The following TRMU variants were observed in gnomAD, a reference collection of about 807,000 sequenced individuals.
TRMU encodes mitochondrial tRNA-specific 2-thiouridylase 1.
Under a neutral mutation model 46.9 loss-of-function variants are expected in TRMU, and 49 were observed. The ratio of observed to expected loss-of-function variants is 1.05; its 90% confidence interval spans 0.83 to 1.33. The LOEUF is 1.33. Ranked by LOEUF, TRMU falls within the 40% of genes most tolerant of loss-of-function variation. The pLI, the probability that TRMU is intolerant of heterozygous loss-of-function variation, is 0.00. For synonymous variants in TRMU, 241 were observed against 200.9 expected (o/e 1.20, Z -1.69); for missense variants, 572 against 532.4 (o/e 1.07, Z -0.73).
rs896186335 is a variant in TRMU at position 46,337,895 on chromosome 22, C to T, written c.199C>T (p.Pro67Ser). ...AYRVCQILDI[P>S]FHQVSYVKEY... ...CAGAGTTTGCCAGATCTTAGACATC[C>T]CTTTCCATCAAGTGTCCTACGTAAA... The change falls in exon 2 of 11, where the codon CCT becomes TCT. Residue 67 changes from proline (P) to serine (S), a missense_variant. By Grantham distance (74) the Pro-to-Ser change is moderately conservative. Transcript: ENST00000645190. The T allele has an allele frequency of 1.9e-6, 3 of 1,614,098 alleles. No homozygotes were observed. In the African/African-American group the frequency reaches 4.0e-5, roughly 22 times the overall value.
intron 3 of TRMU, among the ~76,000 whole-genome samples, chr22:46,345,206 G>A (rs1208682162): frequency 6.6e-6 from 1 of 152,116 alleles, no homozygotes; most frequent in Non-Finnish European, 1.5e-5. Flanking sequence ...AAGTAGCTGG[G>A]ATTACAGGTG....
rs1402558646 is a variant in TRMU, at chr22:46,350,738, G to T, written c.651+275G>T. 6.6e-6 allele frequency among the ~76,000 whole-genome samples: 1 copy of T among 152,184 alleles called. No individual in the cohort carries two copies. ...TCCCCACAGCCTTAGCAGCTGGTGG[G>T]GTGCTCTTGGGATGGCCTGCCTGCC... On this transcript the variant is annotated intron_variant, in intron 5 of 10. Coordinates refer to ENST00000645190, the MANE Select transcript of TRMU (RefSeq NM_018006.5). This position sits in a 1 kb window ranked among gnomAD's most constrained non-coding sequence, Gnocchi z 4.6.
intron 1 of TRMU, among the ~76,000 whole-genome samples, chr22:46,337,237 G>C (rs2078002541): frequency 6.6e-6 from 1 of 152,188 alleles, no homozygotes; most frequent in African/African-American, 2.4e-5. Flanking sequence ...TGTGTAGTTT[G>C]CTAAGGTGGT....
chr22:46,354,837 G>C (rs1236059661), intron 8 of TRMU: 1 of 157,120 alleles, frequency 6.4e-6, no homozygotes, highest in Non-Finnish European at 1.4e-5. Flanking sequence ...GCGGGGCTTG[G>C]CACAATCCCA....
intron 5 of TRMU, 25 bp from the exon 6 acceptor site, chr22:46,352,096 C>CA: frequency 1.2e-6 from 2 of 1,612,174 alleles, no homozygotes; most frequent in Non-Finnish European, 1.7e-6. Context: ...CTGCTCCTCT[C>CA]ACGGCTGCCG....
chr22:46,352,565 GC>G, intron 7 of TRMU: 2 of 604,260 alleles, frequency 3.3e-6, no homozygotes, highest in South Asian at 3.8e-5. Context: ...TGAAAAGCGC[GC>G]CTCTGACTTG....
chr22:46,355,362 A>G (rs1358333728), intron 8 of TRMU, 82 bp from the exon 9 acceptor site: 2 of 1,563,486 alleles, frequency 1.3e-6, no homozygotes, highest in East Asian at 2.4e-5. Context: ...CTGGTAGGAC[A>G]GTTGTTCCCA....
At chr22:46,345,023 C>A (rs761691485) in intron 3 of TRMU, among the ~76,000 whole-genome samples, 2 of 152,112 alleles carry the variant, frequency 1.3e-5, no homozygotes, top group Non-Finnish European at 2.9e-5. Flanking sequence ...AGGATGGAAT[C>A]CATTTTGCTG....
chr22:46,335,899 C>T, intron 1 of TRMU, 53 bp downstream of exon 1: 5 of 1,528,198 alleles, frequency 3.3e-6, no homozygotes, highest in Non-Finnish European at 4.4e-6. Context: ...CCCCGGAAAC[C>T]TGTCCCCGTC....
Position 46,348,505 on chromosome 22 carries a change from G to A in TRMU, c.479-1786G>A, listed in dbSNP as rs1467641312. The stretch of plus-strand genomic sequence containing the variant: ...CAGTGGACGGCCTGGGCTCAGGGTC[G>A]GTCAGCACCTGAGACCAGCGCTCCT... On this transcript the variant is annotated intron_variant, in intron 4 of 10. Transcript: ENST00000645190. This position sits in a 1 kb window ranked among gnomAD's most constrained non-coding sequence, Gnocchi z 4.8. Among the ~76,000 whole-genome samples the A allele has an allele frequency of 4.6e-5, 7 of 152,158 alleles. No individual in the cohort carries two copies. The highest frequency in any genetic ancestry group is 5.9e-5 in the Non-Finnish European group (4 of 68,018).
At chr22:46,355,808 G>A in intron 9 of TRMU, 182 bp from the exon 10 acceptor site, 1 of 1,011,246 alleles carries the variant, frequency 9.9e-7, no homozygotes, top group Non-Finnish European at 1.5e-6. Flanking sequence ...GTGTTGGGCT[G>A]AAGCAAGTGT....
At chr22:46,353,082 C>G (rs184413791) in intron 7 of TRMU, 2 of 160,948 alleles carry the variant, frequency 1.2e-5, no homozygotes, top group Non-Finnish European at 2.8e-5. Context: ...CAGGCGGAGC[C>G]GGGGCTAGGC....
At position 46,342,592 on chromosome 22, in the gene TRMU, G is replaced by C. The variant is rs2078149286; in HGVS notation, c.249-670G>C. On this transcript the variant is annotated intron_variant, in intron 2 of 10. Transcript: ENST00000645190. This position sits in a 1 kb window ranked among gnomAD's most constrained non-coding sequence, Gnocchi z 4.7. ...AGCACTTTAGGAGGCTGAGGCAGGA[G>C]ACTTGCTTGAGGCCTGGAGTTCAGT... Among the ~76,000 whole-genome samples the C allele has an allele frequency of 6.6e-6, 1 of 152,228 alleles. No individual in the cohort carries two copies. Among genetic ancestry groups the C allele is most frequent in the African/African-American group, 2.4e-5 (1 of 41,452 alleles).
In TRMU at chr22:46,336,305, G is replaced by A; in HGVS notation, c.82+459G>A. ...CCACTCAGCAGACTGGACAACTGCC[G>A]CGCGGCGGGTCTGCTTGTTCAGCGT... is the stretch of plus-strand genomic sequence containing the variant. On this transcript the variant is annotated intron_variant, in intron 1 of 10. Transcript: ENST00000645190. This position sits in a 1 kb window ranked among gnomAD's most constrained non-coding sequence, Gnocchi z 4.1. 3 of 233,554 alleles carry A rather than the reference G, an allele frequency of 1.3e-5. No homozygotes were observed. The highest frequency in any genetic ancestry group is 2.1e-5 in the Non-Finnish European group (3 of 139,952). 14.5% of individuals were successfully genotyped at this position (233,554 alleles called of 1,614,324 possible). A position where few individuals can be genotyped will look rare whatever the true frequency, so the allele number is the denominator to read the frequency against.
At position 46,348,358 on chromosome 22, in the gene TRMU, A is replaced by G. The variant is rs1052947957; in HGVS notation, c.478+1814A>G. 6.6e-6 allele frequency among the ~76,000 whole-genome samples: 1 copy of G among 152,226 alleles called. No homozygotes were observed. Among genetic ancestry groups the G allele is most frequent in the Non-Finnish European group, 1.5e-5 (1 of 68,028 alleles). On this transcript the variant is annotated intron_variant, in intron 4 of 10. Transcript: ENST00000645190. This position sits in a 1 kb window ranked among gnomAD's most constrained non-coding sequence, Gnocchi z 4.8. ...TGTTGAGTGCGTTTGGCATGTGGGA[A>G]TTGTGATGGTGCACAGTGTCTTGGC...
rs185988821 is a variant in TRMU at position 46,356,052 on chromosome 22, C to G, written c.1081C>G (p.Arg361Gly). The change falls in exon 10 of 11, where the codon CGT becomes GGT. Residue 361 changes from arginine to glycine, a missense_variant. Physicochemically the swap from Arg to Gly is moderately radical, Grantham distance 125. Coordinates refer to ENST00000645190, the MANE Select transcript of TRMU (RefSeq NM_018006.5). The part of the protein sequence containing the change: ...TVWVTAVQAV[R>G]ALATGQFAVF... ...GTGGGTGACAGCTGTGCAGGCTGTGCGTGCCCTTGCCACAGGACAGGTGCG... is the reference window on the plus strand; with the variant it reads ...GTGGGTGACAGCTGTGCAGGCTGTGGGTGCCCTTGCCACAGGACAGGTGCG... 2 of 1,613,970 alleles carry G rather than the reference C, an allele frequency of 1.2e-6. No homozygotes were observed.
At position 46,351,322 on chromosome 22, in the gene TRMU, C is replaced by CA. The variant is rs1309068570; in HGVS notation, c.652-794dup. 6.6e-6 allele frequency among the ~76,000 whole-genome samples: 1 copy of CA among 152,156 alleles called. No individual in the cohort carries two copies. The highest frequency in any genetic ancestry group is 1.5e-5 in the Non-Finnish European group (1 of 68,022). ...CTGGGCAACACAGCGAAACTCGTCT[C>CA]AAAAAGAGAGAACCCGGAGTGTTGG... On this transcript the variant is annotated intron_variant, in intron 5 of 10. Coordinates refer to ENST00000645190, the MANE Select transcript of TRMU (RefSeq NM_018006.5). The surrounding 1 kb of genome is among the most constrained non-coding windows in gnomAD (Gnocchi z 6.4).
chr22:46,343,587 G>T (rs1282179009), intron 3 of TRMU, among the ~76,000 whole-genome samples: 1 of 152,024 alleles, frequency 6.6e-6, no homozygotes, highest in East Asian at 1.9e-4. Context: ...TATTGTCCAG[G>T]CTGGTCTCAG....
At chr22:46,355,836 G>C in intron 9 of TRMU, 154 bp from the exon 10 acceptor site, 1 of 1,021,910 alleles carries the variant, frequency 9.8e-7, no homozygotes, top group Non-Finnish European at 1.5e-6. Context: ...GCCCCGCAGT[G>C]TCCTGCTGCG....
Sources: allele counts gnomAD v4.1 joint callset (sites outside exome capture counted in the v4.1 genomes callset), GRCh38; gene constraint gnomAD v4.1.1; non-coding constraint Gnocchi (gnomAD v3.1); transcripts MANE v1.5; gene names NCBI Gene and HGNC (gene_info 2026-07-23, HGNC 2026-07-21).